Variants in PDE7B observed in about 807,000 individuals in gnomAD.
PDE7B encodes the protein phosphodiesterase 7B, also known as 3',5'-cyclic-AMP phosphodiesterase 7B.
PDE7B carries 29 observed loss-of-function variants against 56.2 expected under a neutral mutation model. That is an observed-to-expected ratio of 0.52 (90% CI 0.38 to 0.70). The LOEUF (loss-of-function observed/expected upper bound fraction) is 0.70, where lower values mean the gene tolerates loss of function less well. PDE7B is among the 30% of genes least tolerant of loss of function. The probability of loss-of-function intolerance (pLI) is 0.00; values close to 1 mark genes in which losing one functional copy is unlikely to be tolerated. For missense variants in PDE7B, 490 were observed against 565.0 expected, an observed-to-expected ratio of 0.87 and a Z score of 1.35; for synonymous variants, 197 against 196.9, an observed-to-expected ratio of 1.00 and a Z score of 0.00.
At chr6:136,004,541 C>A (rs1297240660) in intron 2 of PDE7B, among the ~76,000 whole-genome samples, 1 of 152,034 alleles carries the variant, frequency 6.6e-6, no homozygotes, top group Non-Finnish European at 1.5e-5. Flanking sequence ...AAATCACAAG[C>A]ATTCTTATAC....
intron 3 of PDE7B, among the ~76,000 whole-genome samples, chr6:136,136,693 CCTA>C (rs956229996): frequency 6.6e-6 from 1 of 151,124 alleles, no homozygotes; most frequent in African/African-American, 2.4e-5. Flanking sequence ...TATGTATATA[CCTA>C]CTATGTACCC....
chr6:135,858,046 CATTT>C (rs1775069991), intron 1 of PDE7B, among the ~76,000 whole-genome samples: 1 of 152,086 alleles, frequency 6.6e-6, no homozygotes, highest in South Asian at 2.1e-4. Flanking sequence ...AAGTTACTGA[CATTT>C]ATTTATTGTG....
chr6:135,933,905 TAAG>T (rs1399584099), intron 1 of PDE7B, among the ~76,000 whole-genome samples: 1 of 152,188 alleles, frequency 6.6e-6, no homozygotes, highest in Non-Finnish European at 1.5e-5. Context: ...TTTTAGGATC[TAAG>T]AGGACCAAAT....
At chr6:136,125,569 TA>T (rs1314201742) in intron 3 of PDE7B, among the ~76,000 whole-genome samples, 2 of 151,298 alleles carry the variant, frequency 1.3e-5, no homozygotes, top group Non-Finnish European at 2.9e-5. Context: ...ATCCTGTCCC[TA>T]AAAAAAATAA....
At chr6:136,010,910 TC>T (rs1387065959) in intron 2 of PDE7B, among the ~76,000 whole-genome samples, 1 of 152,106 alleles carries the variant, frequency 6.6e-6, no homozygotes, top group Non-Finnish European at 1.5e-5. Context: ...CACCGGGTGC[TC>T]CCAGAATTAC....
At chr6:135,865,657 G>GTAT (rs1554262863) in intron 1 of PDE7B, among the ~76,000 whole-genome samples, 2 of 146,820 alleles carry the variant, frequency 1.4e-5, no homozygotes, top group Middle Eastern at 3.5e-3. Context: ...GTGTATGTGT[G>GTAT]GAGAGAGAGA....
intron 2 of PDE7B, among the ~76,000 whole-genome samples, chr6:135,960,847 C>T: frequency 6.6e-6 from 1 of 152,160 alleles, no homozygotes; most frequent in East Asian, 1.9e-4. Flanking sequence ...GTCCAGTCTG[C>T]CTTCTTTCAC....
At chr6:136,104,066 AG>A in intron 2 of PDE7B, among the ~76,000 whole-genome samples, 1 of 152,292 alleles carries the variant, frequency 6.6e-6, no homozygotes, top group South Asian at 2.1e-4. Flanking sequence ...AGGGAGGGTG[AG>A]GGGCTGTCGT....
chr6:135,930,648 A>G (rs1014703186), intron 1 of PDE7B, among the ~76,000 whole-genome samples: 1 of 152,166 alleles, frequency 6.6e-6, no homozygotes, highest in Non-Finnish European at 1.5e-5. Context: ...AGGGAAGTGG[A>G]GGAGGCAGGC....
chr6:135,984,555 C>A (rs1775346336), intron 2 of PDE7B, among the ~76,000 whole-genome samples: 1 of 152,098 alleles, frequency 6.6e-6, no homozygotes, highest in Non-Finnish European at 1.5e-5. Flanking sequence ...TCTCACGTGG[C>A]ACATGATGGC....
chr6:136,181,761 T>TA (rs534092328), intron 11 of PDE7B, among the ~76,000 whole-genome samples: 20,028 of 145,884 alleles, frequency 0.14, 4,067 homozygotes, highest in African/African-American at 0.44. Flanking sequence ...CTTGCTTTCT[T>TA]AAAAAAAAAA....
chr6:136,161,354 T>C (rs1388308019), intron 8 of PDE7B, among the ~76,000 whole-genome samples: 1 of 152,220 alleles, frequency 6.6e-6, no homozygotes, highest in Non-Finnish European at 1.5e-5. Flanking sequence ...GTCACCTAAC[T>C]CATTCACTGT....
At chr6:135,948,812 A>T (rs995895608) in intron 2 of PDE7B, among the ~76,000 whole-genome samples, 1 of 151,700 alleles carries the variant, frequency 6.6e-6, no homozygotes, top group African/African-American at 2.4e-5. Flanking sequence ...TGTGAAATGA[A>T]AATGTCTCCA....
chr6:135,937,516 C>T (rs756452408), intron 1 of PDE7B, among the ~76,000 whole-genome samples: 8 of 152,224 alleles, frequency 5.3e-5, no homozygotes, highest in Non-Finnish European at 1.0e-4. Context: ...CAAACACCCT[C>T]CCAGCTTATC....
intron 1 of PDE7B, among the ~76,000 whole-genome samples, chr6:135,877,943 G>A (rs1583729646): frequency 6.6e-6 from 1 of 152,142 alleles, no homozygotes; most frequent in East Asian, 1.9e-4. Flanking sequence ...CATTGGTTGA[G>A]GGTTACTAGA....
chr6:135,897,637 T>G (rs1775925932), intron 1 of PDE7B, among the ~76,000 whole-genome samples: 1 of 152,164 alleles, frequency 6.6e-6, no homozygotes, highest in South Asian at 2.1e-4. Context: ...AGAATAAATA[T>G]TGAATGGAGA....
chr6:136,126,378 A>G (rs1392967042), intron 3 of PDE7B, among the ~76,000 whole-genome samples: 5 of 152,224 alleles, frequency 3.3e-5, no homozygotes, highest in Non-Finnish European at 7.3e-5. Context: ...AACAACCACT[A>G]TGGAAAACAG....
chr6:135,941,644 T>G (rs1439404046), intron 1 of PDE7B, among the ~76,000 whole-genome samples: 1 of 152,184 alleles, frequency 6.6e-6, no homozygotes, highest in Non-Finnish European at 1.5e-5. Context: ...AACATCTAAT[T>G]CCCTTTATTA....
chr6:135,919,360 G>A (rs1774022152), intron 1 of PDE7B, among the ~76,000 whole-genome samples: 1 of 152,220 alleles, frequency 6.6e-6, no homozygotes, highest in African/African-American at 2.4e-5. Context: ...ACGTGACTCT[G>A]TGGCTTATTA....
Sources: gnomAD v4.1 joint callset for allele counts (sites outside exome capture counted in the v4.1 genomes callset) on GRCh38, gnomAD v4.1.1 for gene constraint, MANE v1.5 for transcripts, NCBI Gene and HGNC (gene_info 2026-07-23, HGNC 2026-07-21) for gene names.